RCC2: variants seen among roughly 807,000 people sequenced by gnomAD.
The protein encoded by RCC2 is regulator of chromosome condensation 2, also known as protein RCC2.
A neutral mutation model predicts 64.1 loss-of-function variants in RCC2; 19 were observed. The ratio of observed to expected loss-of-function variants is 0.30; its 90% CI spans 0.21 to 0.44. RCC2 has a LOEUF of 0.44. Ranked by LOEUF, RCC2 falls within the 20% of genes least tolerant of loss-of-function variation. The pLI is 1.00. For synonymous variants in RCC2, 325 were observed against 279.6 expected, an observed-to-expected ratio of 1.16 and a Z score of -1.62; for missense variants, 508 against 710.4, an observed-to-expected ratio of 0.72 and a Z score of 3.24.
intron 8 of RCC2, among the ~76,000 whole-genome samples, chr1:17,414,204 C>T (rs2075456274): frequency 1.3e-5 from 2 of 152,166 alleles, no homozygotes; most frequent in South Asian, 4.1e-4. Flanking sequence ...GCTATGTCTC[C>T]TGAGAGTTGG....
At chr1:17,424,334 C>T (rs971729737) in intron 4 of RCC2, among the ~76,000 whole-genome samples, 1 of 152,164 alleles carries the variant, frequency 6.6e-6, no homozygotes, top group Non-Finnish European at 1.5e-5. Context: ...GAACTGAGGG[C>T]GCTTTCAGAG....
At chr1:17,412,719 G>A (rs2075440580) in intron 10 of RCC2, among the ~76,000 whole-genome samples, 1 of 152,230 alleles carries the variant, frequency 6.6e-6, no homozygotes, top group Non-Finnish European at 1.5e-5. Flanking sequence ...CCAAGACAAT[G>A]TCGTCTTCCC....
rs2075767507 is a variant in RCC2 at position 17,438,452 on chromosome 1, G to A, written c.63C>T (p.Ala21=). 5 of 1,309,704 alleles carry A rather than the reference G, an allele frequency of 3.8e-6. No homozygotes were observed. The highest frequency in any genetic ancestry group is 4.8e-6 in the Non-Finnish European group (5 of 1,033,174). 81.1% of individuals were successfully genotyped at this position (1,309,704 alleles called of 1,614,324 possible). ...WEEPSSGNGT[A]RAGPRKRGGP... is the part of the protein sequence containing the mutation. ...CGCCGCGTTTCCTGGGCCCGGCGCG[G>A]GCAGTGCCGTTGCCCGAGCTCGGCT... The change falls in exon 2 of 13, where the codon GCC becomes GCT. Residue 21 remains alanine, a synonymous_variant. Coordinates refer to ENST00000375436, the MANE Select transcript of RCC2 (RefSeq NM_018715.4).
intron 4 of RCC2, among the ~76,000 whole-genome samples, chr1:17,425,331 A>G (rs2075601974): frequency 6.6e-6 from 1 of 152,140 alleles, no homozygotes; most frequent in Non-Finnish European, 1.5e-5. Context: ...GGGGCTGCGT[A>G]TGGGCAAAAA....
intron 7 of RCC2, among the ~76,000 whole-genome samples, chr1:17,418,196 T>G (rs1222642177): frequency 6.7e-6 from 1 of 149,850 alleles, no homozygotes; most frequent in Non-Finnish European, 1.5e-5. Context: ...ATAACACTCA[T>G]CTCATAAGCA....
At chr1:17,431,359 A>AATATATATATATATATATATATATATAT (rs71014951) in intron 2 of RCC2, among the ~76,000 whole-genome samples, 22 of 44,924 alleles carry the variant, frequency 4.9e-4, no homozygotes, top group South Asian at 7.3e-4. Flanking sequence ...AAAAAAAAAA[A>AATATATATATATATATATATATATATAT]ATATATATAT....
chr1:17,438,199 C>T, intron 2 of RCC2, 31 bp downstream of exon 2: 2 of 1,193,902 alleles, frequency 1.7e-6, no homozygotes, highest in South Asian at 2.9e-5. Context: ...CCCGGCCCTG[C>T]GCCCACCCGT....
rs778746647 is a variant in RCC2, at chr1:17,416,623, T to C, written c.883A>G (p.Ile295Val). The change falls in exon 8 of 13, where the codon ATC becomes GTC. Residue 295 changes from isoleucine to valine, a missense_variant. Around this residue, in one of 4 missense-constraint regions of RCC2, gnomAD observed 179 missense variants for 322.0 expected, o/e 0.56. Coordinates refer to ENST00000375436, the MANE Select transcript of RCC2 (RefSeq NM_018715.4). Reference sequence around the variant, plus strand: ...TACTCTATCCGCTGTGCCCGGGCGATGAACTTCCCATCTGAGTTGTGTCCT... The same window carrying C: ...TACTCTATCCGCTGTGCCCGGGCGACGAACTTCCCATCTGAGTTGTGTCCT... Reference protein sequence around the residue: ...QLGHNSDGKFIARAQRIEYDC... With the variant: ...QLGHNSDGKFVARAQRIEYDC... The C allele has an allele frequency of 2.5e-6, 4 of 1,613,434 alleles. No individual in the cohort carries two copies. The highest frequency in any genetic ancestry group is 3.4e-6 in the Non-Finnish European group (4 of 1,179,788).
chr1:17,428,414 A>G (rs541112416), intron 3 of RCC2, among the ~76,000 whole-genome samples: 13 of 141,608 alleles, frequency 9.2e-5, no homozygotes, highest in African/African-American at 3.3e-4. Context: ...GGTGATTTCC[A>G]ACGCCCCTGT....
intron 12 of RCC2, among the ~76,000 whole-genome samples, chr1:17,409,563 A>G (rs529152493): frequency 2.0e-5 from 3 of 152,310 alleles, no homozygotes; most frequent in African/African-American, 7.2e-5. Context: ...AGACAGGGCC[A>G]GCAGGCTGGC....
chr1:17,413,913 T>C lies in RCC2; in HGVS notation c.1027-196A>G, dbSNP rs939603507. Among the ~76,000 whole-genome samples the C allele has an allele frequency of 5.3e-5, 8 of 152,288 alleles. No individual in the cohort carries two copies. The East Asian group carries it at 1.5e-3, about 29-fold the overall frequency. On this transcript the variant is annotated intron_variant, in intron 8 of 12. Transcript: ENST00000375436. The stretch of plus-strand genomic sequence containing the variant: ...TGGGAGGCCAAGGTGGGTGGATCAC[T>C]TGAGGTCAGGAGTTTGAGACCAGCC...
chr1:17,420,253 C>G (rs1278733286), intron 7 of RCC2, among the ~76,000 whole-genome samples: 1 of 152,222 alleles, frequency 6.6e-6, no homozygotes, highest in Non-Finnish European at 1.5e-5. Flanking sequence ...CAACTAGATT[C>G]TGGCTAGGGA....
intron 10 of RCC2, 64 bp downstream of exon 10, chr1:17,413,009 G>A: frequency 8.1e-7 from 1 of 1,233,686 alleles, no homozygotes; most frequent in South Asian, 1.2e-5. Context: ...GGCACCCCAT[G>A]GGTGTGTCTG....
At position 17,438,532 on chromosome 1, in the gene RCC2, G is replaced by C. The variant is rs1028217627; in HGVS notation, c.-8-10C>G. ...CTGGGCATGGTCGCGGCTGGAGGGA[G>C]ACACGGGGCAGCGGCGCACAATGGA... On this transcript the variant is annotated splice_polypyrimidine_tract_variant and intron_variant, in intron 1 of 12. Transcript: ENST00000375436. 3.5e-5 allele frequency: 47 copies of C among 1,324,594 alleles called. No homozygotes were observed. Among genetic ancestry groups the C allele is most frequent in the East Asian group, 1.4e-4 (5 of 35,712 alleles). 82.1% of individuals were successfully genotyped at this position (1,324,594 alleles called of 1,614,324 possible). A position where few individuals can be genotyped will look rare whatever the true frequency, so the allele number is the denominator to read the frequency against.
At chr1:17,426,770 T>C (rs1415636362) in intron 3 of RCC2, among the ~76,000 whole-genome samples, 12 of 61,368 alleles carry the variant, frequency 2.0e-4, no homozygotes, top group African/African-American at 7.4e-4. Context: ...TTTTTTTTTT[T>C]TTTTTTTTTT....
intron 6 of RCC2, 39 bp from the exon 7 acceptor site, chr1:17,420,867 GAC>G: frequency 7.2e-7 from 1 of 1,391,826 alleles, no homozygotes; most frequent in Non-Finnish European, 1.0e-6. Context: ...TTTTTTTAAA[GAC>G]TGATAAAAAG....
chr1:17,413,218 T>A (rs1241980691), intron 9 of RCC2, 40 bp from the exon 10 acceptor site: 1 of 1,394,092 alleles, frequency 7.2e-7, no homozygotes, highest in Non-Finnish European at 1.0e-6. Flanking sequence ...TGACCAGACA[T>A]CGAGAGCTGA....
In RCC2 at chr1:17,433,485, C is replaced by T. The variant is rs2526824; in HGVS notation, c.286-4286G>A. Among the ~76,000 whole-genome samples the T allele has an allele frequency of 7.9e-4, 121 of 152,332 alleles. 2 individuals are homozygous for T. Among genetic ancestry groups the T allele is most frequent in the African/African-American group, 2.6e-3 (110 of 41,582 alleles). On this transcript the variant is annotated intron_variant, in intron 2 of 12. Transcript: ENST00000375436. ...CTGAAGCTCAGTGTGCCCTCCCAGG[C>T]GGAATCCAGCCTTCCCTGATGGGCC...
chr1:17,427,919 G>A lies in RCC2; in HGVS notation c.379+1187C>T, dbSNP rs556258473. On this transcript the variant is annotated intron_variant, in intron 3 of 12. Coordinates refer to ENST00000375436, the MANE Select transcript of RCC2 (RefSeq NM_018715.4). The stretch of plus-strand genomic sequence containing the variant: ...TGAGAAGTCAATTCCCACGGCCTCC[G>A]GATCCCTGGGGTCTGGTCCCAATCA... Among the ~76,000 whole-genome samples, 189 of 152,298 alleles carry A rather than the reference G, an allele frequency of 1.2e-3. 1 individual carries two copies. The highest frequency in any genetic ancestry group is 2.8e-3 in the African/African-American group (116 of 41,574).
Sources: gnomAD v4.1 joint callset for allele counts (sites outside exome capture counted in the v4.1 genomes callset) on GRCh38, gnomAD v4.1.1 for gene constraint, gnomAD v4.1.1 regional missense constraint, MANE v1.5 for transcripts, NCBI Gene and HGNC (gene_info 2026-07-23, HGNC 2026-07-21) for gene names.